Variants in TICRR observed in about 807,000 individuals in gnomAD.
TICRR encodes treslin.
TICRR carries 132 observed loss-of-function variants against 178.1 expected under a neutral mutation model. That is an observed-to-expected ratio of 0.74 (90% CI 0.64 to 0.86). The LOEUF (loss-of-function observed/expected upper bound fraction) is 0.86, where lower values mean the gene tolerates loss of function less well. Ranked by LOEUF, TICRR falls within the 40% of genes least tolerant of loss-of-function variation. The probability of loss-of-function intolerance (pLI) is 0.00; values close to 1 mark genes in which losing one functional copy is unlikely to be tolerated. For synonymous variants in TICRR, 991 were observed against 900.7 expected (o/e 1.10, Z -1.79); for missense variants, 2,587 against 2,334.3 (o/e 1.11, Z -2.23).
At chr15:89,618,235 T>C in intron 17 of TICRR, 25 bp downstream of exon 17, 3 of 1,604,394 alleles carry the variant, frequency 1.9e-6, no homozygotes, top group Non-Finnish European at 2.6e-6. Context: ...TTTTTGTTTT[T>C]AATGCAATCT....
chr15:89,599,227 C>A, intron 7 of TICRR, 97 bp from the exon 8 acceptor site: 2 of 1,022,548 alleles, frequency 2.0e-6, no homozygotes, highest in Non-Finnish European at 2.7e-6. Flanking sequence ...ATGTTCCCTG[C>A]AAGGAAATAT....
Position 89,600,613 on chromosome 15 carries a change from G to C in TICRR, c.2081G>C (p.Ser694Thr). The C allele has an allele frequency of 6.3e-7, 1 of 1,591,400 alleles. No homozygotes were observed. Among genetic ancestry groups the C allele is most frequent in the Non-Finnish European group, 8.6e-7 (1 of 1,168,280 alleles). ...AACTGCCTGAATCAAGTAAAAAGTAGTCTCTTAAAAACTAGTAAAAGTCTT... is the reference window on the plus strand; with the variant it reads ...AACTGCCTGAATCAAGTAAAAAGTACTCTCTTAAAAACTAGTAAAAGTCTT... ...EVNCLNQVKS[S>T]LLKTSKSLRQ... The change falls in exon 9 of 22, where the codon AGT becomes ACT. Residue 694 changes from serine (S) to threonine (T), a missense_variant. By Grantham distance (58) the Ser-to-Thr change is moderately conservative (BLOSUM62 1). Transcript: ENST00000268138.
chr15:89,587,620 A>G (rs1034166868), intron 4 of TICRR, among the ~76,000 whole-genome samples: 54 of 152,126 alleles, frequency 3.5e-4, no homozygotes, highest in African/African-American at 1.3e-3. Context: ...TGGCTGGGTT[A>G]TTTACTACTG....
At position 89,607,112 on chromosome 15, in the gene TICRR, T is replaced by G. The variant is rs1963187147; in HGVS notation, c.2722+287T>G. Among the ~76,000 whole-genome samples, 5 of 152,296 alleles carry G rather than the reference T, an allele frequency of 3.3e-5. No homozygotes were observed. The South Asian group carries it at 1.0e-3, about 32-fold the overall frequency. ...AAAGAGGCAGTGGGACTGTTTCAGATGAATGGAGTTTAAGCATGATAGCTA... is the reference window on the plus strand; with the variant it reads ...AAAGAGGCAGTGGGACTGTTTCAGAGGAATGGAGTTTAAGCATGATAGCTA... On this transcript the variant is annotated intron_variant, in intron 14 of 21. Transcript: ENST00000268138.
intron 16 of TICRR, among the ~76,000 whole-genome samples, chr15:89,616,881 A>T (rs1340265107): frequency 2.0e-5 from 3 of 152,200 alleles, no homozygotes; most frequent in Non-Finnish European, 4.4e-5. Context: ...TTCTGCAGCG[A>T]TTGGTTGGAG....
intron 7 of TICRR, among the ~76,000 whole-genome samples, chr15:89,598,808 C>T (rs1963043957): frequency 6.6e-6 from 1 of 151,996 alleles, no homozygotes; most frequent in Non-Finnish European, 1.5e-5. Flanking sequence ...GAGTTCAAGA[C>T]CAGCCTGGGC....
At chr15:89,598,267 C>CCG (rs1263055871) in intron 7 of TICRR, among the ~76,000 whole-genome samples, 1 of 152,080 alleles carries the variant, frequency 6.6e-6, no homozygotes, top group Non-Finnish European at 1.5e-5. Flanking sequence ...GCCACCACAC[C>CCG]CGGCCCAGTT....
chr15:89,594,447 A>G lies in TICRR; in HGVS notation c.1574A>G (p.Glu525Gly), dbSNP rs766107552. 1 of 1,612,990 alleles carries G rather than the reference A, an allele frequency of 6.2e-7. No homozygotes were observed. Among genetic ancestry groups the G allele is most frequent in the East Asian group, 2.2e-5 (1 of 44,830 alleles). The change falls in exon 6 of 22, where the codon GAG (glutamate) becomes GGG (glycine). Residue 525 changes from glutamate (E) to glycine (G), a missense_variant. By Grantham distance (98) the Glu-to-Gly change is moderately conservative. Coordinates refer to ENST00000268138, the MANE Select transcript of TICRR (RefSeq NM_152259.4). ...CAGGCTGCCTCAGCTAATAAGGAAG[A>G]GTCTTCCAAAACTGAAGGCGAATTA... The part of the protein sequence containing the change: ...LLQAASANKE[E>G]SSKTEGELIH...
chr15:89,625,297 G>T lies in TICRR; in HGVS notation c.4987G>T (p.Asp1663Tyr). The T allele has an allele frequency of 6.2e-7, 1 of 1,614,044 alleles. No homozygotes were observed. The highest frequency in any genetic ancestry group is 8.5e-7 in the Non-Finnish European group (1 of 1,180,002). ...PSSTPSPFQT[D>Y]GVPWTPSPKH... The stretch of plus-strand genomic sequence containing the variant: ...TAGTACCCCCTCTCCATTTCAAACA[G>T]ATGGGGTTCCTTGGACACCATCCCC... Residue 1663 changes from aspartate to tyrosine, a missense_variant, in exon 20 of 22, where the codon GAT (aspartate) becomes TAT (tyrosine). Coordinates refer to ENST00000268138, the MANE Select transcript of TICRR (RefSeq NM_152259.4).
chr15:89,623,585 T>A (rs753159398), intron 19 of TICRR, 38 bp from the exon 20 acceptor site: 7 of 1,558,602 alleles, frequency 4.5e-6, no homozygotes, highest in Non-Finnish European at 6.1e-6. Context: ...TCATGAGTTA[T>A]AATATTCAAG....
chr15:89,600,046 C>T (rs754038827), intron 8 of TICRR, among the ~76,000 whole-genome samples: 5 of 152,176 alleles, frequency 3.3e-5, no homozygotes, highest in Non-Finnish European at 5.9e-5. Flanking sequence ...GTGGAGGTTG[C>T]AGTGAGGCAA....
Position 89,585,764 on chromosome 15 carries a change from A to G in TICRR, c.1233A>G (p.Pro411=). 2 of 1,613,948 alleles carry G rather than the reference A, an allele frequency of 1.2e-6. No individual in the cohort carries two copies. Among genetic ancestry groups the G allele is most frequent in the Non-Finnish European group, 1.7e-6 (2 of 1,179,980 alleles). Residue 411 remains proline, a synonymous_variant, in exon 4 of 22, where the codon CCA becomes CCG. Transcript: ENST00000268138. The stretch of plus-strand genomic sequence containing the variant: ...CCCCCATCACTGGAGTTATTTCCCC[A>G]CTCTCTGCCAGTGCTATGATCCTCA... ...GRPPITGVIS[P]LSASAMILTV... is the part of the protein sequence containing the mutation.
chr15:89,601,378 A>C lies in TICRR; in HGVS notation c.2234A>C (p.Gln745Pro). The stretch of plus-strand genomic sequence containing the variant: ...AATGAAAGTACAGATGATATGGAAC[A>C]AGTAGTGGAGGAGGCAAGTATATAG... ...SINESTDDME[Q>P]VVEEVTDLLR... Residue 745 changes from glutamine (Q) to proline (P), a missense_variant, in exon 10 of 22, where the codon CAA becomes CCA. Transcript: ENST00000268138. The C allele has an allele frequency of 6.2e-7, 1 of 1,614,160 alleles. No homozygotes were observed. The highest frequency in any genetic ancestry group is 8.5e-7 in the Non-Finnish European group (1 of 1,180,006).
chr15:89,625,847 G>A, intron 20 of TICRR, 61 bp downstream of exon 20: 1 of 1,550,668 alleles, frequency 6.4e-7, no homozygotes, highest in Non-Finnish European at 8.7e-7. Flanking sequence ...TGCTTGACAA[G>A]GAGGCACTTG....
intron 15 of TICRR, among the ~76,000 whole-genome samples, chr15:89,613,284 G>A (rs914524619): frequency 3.3e-5 from 5 of 152,254 alleles, no homozygotes; most frequent in Admixed American, 1.3e-4. Flanking sequence ...TGTTTCTGAC[G>A]AGAAAGCAGC....
intron 19 of TICRR, among the ~76,000 whole-genome samples, chr15:89,622,003 T>TTTG (rs1963434406): frequency 6.7e-6 from 1 of 148,500 alleles, no homozygotes; most frequent in African/African-American, 2.5e-5. Context: ...TTTTTTTTTT[T>TTTG]GGAGACAGAG....
At chr15:89,605,517 G>A (rs893084304) in intron 13 of TICRR, among the ~76,000 whole-genome samples, 2 of 152,006 alleles carry the variant, frequency 1.3e-5, no homozygotes, top group Non-Finnish European at 2.9e-5. Flanking sequence ...GCACCACCAC[G>A]CCTGGCTACT....
intron 19 of TICRR, among the ~76,000 whole-genome samples, chr15:89,623,089 G>A (rs562106065): frequency 6.6e-6 from 1 of 152,310 alleles, no homozygotes; most frequent in East Asian, 1.9e-4. Flanking sequence ...TTTGCAAGAA[G>A]GCAGGGAAAT....
At chr15:89,592,201 A>G (rs34494298) in intron 5 of TICRR, 25 bp downstream of exon 5, 1,422,552 of 1,604,128 alleles carry the variant, frequency 0.89, 635,013 homozygotes, top group Non-Finnish European at 0.92. Context: ...TATCTCTTGA[A>G]TATTGATTAT....
Sources: gnomAD v4.1 joint callset for allele counts (sites outside exome capture counted in the v4.1 genomes callset) on GRCh38, gnomAD v4.1.1 for gene constraint, MANE v1.5 for transcripts, NCBI Gene and HGNC (gene_info 2026-07-23, HGNC 2026-07-21) for gene names.